The following TENT5C variants were observed in gnomAD, a reference collection of about 807,000 sequenced individuals.
TENT5C encodes the protein family with sequence similarity 46 member C.
TENT5C carries 5 observed loss-of-function variants against 22.2 expected under a neutral mutation model. The observed-to-expected ratio is 0.22, with a 90% CI of 0.12 to 0.47. The LOEUF (loss-of-function observed/expected upper bound fraction) is 0.47. Among genes scored for constraint, TENT5C ranks in the 20% least tolerant of loss-of-function variants. TENT5C has a pLI of 0.99. For synonymous variants in TENT5C, 199 were observed against 195.4 expected, an observed-to-expected ratio of 1.02 and a Z score of -0.15; for missense variants, 364 against 500.9, an observed-to-expected ratio of 0.73 and a Z score of 2.61.
chr1:117,618,048 C>G (rs1172457218), intron 1 of TENT5C, among the ~76,000 whole-genome samples: 1 of 152,170 alleles, frequency 6.6e-6, no homozygotes, highest in Admixed American at 6.5e-5. Flanking sequence ...CTATGTAAAT[C>G]ATGGTAAATT....
Position 117,626,552 on chromosome 1 carries a change from A to G in TENT5C, c.*2508A>G, listed in dbSNP as rs575946835. The stretch of plus-strand genomic sequence containing the variant: ...GGCTAGTGATGTCTCTACTTGCTCT[A>G]TGAGCCTTTTGCCAGCCTCAGAATA... On this transcript the variant is annotated 3_prime_UTR_variant, in exon 2 of 2. Coordinates refer to ENST00000369448, the MANE Select transcript of TENT5C (RefSeq NM_017709.4). 5 of 248,108 alleles carry G rather than the reference A, an allele frequency of 2.0e-5. No individual in the cohort carries two copies. Among genetic ancestry groups the G allele is most frequent in the African/African-American group, 8.8e-5 (4 of 45,472 alleles). The allele number at this position is 248,108 out of a possible 1,614,324, so 15.4% of individuals were successfully genotyped here.
chr1:117,617,939 C>G (rs1653820552), intron 1 of TENT5C, among the ~76,000 whole-genome samples: 2 of 152,232 alleles, frequency 1.3e-5, no homozygotes, highest in African/African-American at 4.8e-5. Context: ...GAATCCCTTT[C>G]TAATAGGCAC....
In TENT5C at chr1:117,623,429, C is replaced by T. The variant is rs374657299; in HGVS notation, c.561C>T (p.Ile187=). ...TCAGTGTGGACTCTTTCCAAATCAT[C>T]CTGGATTCTTTGCTTTTCTTCTATG... The part of the protein sequence containing the change: ...FEFSVDSFQI[I]LDSLLFFYDC... The change falls in exon 2 of 2, where the codon ATC becomes ATT. Residue 187 remains isoleucine, a synonymous_variant. Transcript: ENST00000369448. 5.6e-6 allele frequency: 9 copies of T among 1,614,016 alleles called. No individual in the cohort carries two copies. In the African/African-American group the frequency reaches 9.3e-5, roughly 17 times the overall value.
At chr1:117,620,825 A>G (rs918624123) in intron 1 of TENT5C, among the ~76,000 whole-genome samples, 1 of 152,180 alleles carries the variant, frequency 6.6e-6, no homozygotes, top group African/African-American at 2.4e-5. Flanking sequence ...GAACAGGTTC[A>G]TGCTGCAACT....
At chr1:117,610,981 C>T (rs1274141065) in intron 1 of TENT5C, among the ~76,000 whole-genome samples, 3 of 152,200 alleles carry the variant, frequency 2.0e-5, no homozygotes, top group Admixed American at 1.3e-4. Flanking sequence ...CAACTGCCCA[C>T]ACCCTCTTCC....
Position 117,624,853 on chromosome 1 carries a change from A to AT in TENT5C, c.*816dup, listed in dbSNP as rs1222689993. 1 of 247,578 alleles carries AT rather than the reference A, an allele frequency of 4.0e-6. No homozygotes were observed. The highest frequency in any genetic ancestry group is 2.2e-5 in the African/African-American group (1 of 45,320). The allele number at this position is 247,578 out of a possible 1,614,324, so 15.3% of individuals were successfully genotyped here. A position where few individuals can be genotyped will look rare whatever the true frequency, so the allele number is the denominator to read the frequency against. On this transcript the variant is annotated 3_prime_UTR_variant, in exon 2 of 2. Coordinates refer to ENST00000369448, the MANE Select transcript of TENT5C (RefSeq NM_017709.4). ...TTGTAAATAGGAAACATGAATGTTC[A>AT]TTTTTTTCTTTAAAGAATTCTTATT...
intron 1 of TENT5C, among the ~76,000 whole-genome samples, chr1:117,619,377 T>A (rs1653849446): frequency 6.6e-6 from 1 of 152,176 alleles, no homozygotes; most frequent in Non-Finnish European, 1.5e-5. Flanking sequence ...GTAATAGGTG[T>A]TTGAGATGTA....
chr1:117,607,915 A>C (rs1653576853), intron 1 of TENT5C, among the ~76,000 whole-genome samples: 1 of 152,138 alleles, frequency 6.6e-6, no homozygotes, highest in African/African-American at 2.4e-5. Context: ...TGATCTCTGG[A>C]GTCAAGCTTA....
chr1:117,627,842 GAC>G lies in TENT5C; in HGVS notation c.*3799_*3800del, dbSNP rs1182910319. 4.2e-6 allele frequency: 1 copy of G among 236,684 alleles called. No individual in the cohort carries two copies. Among genetic ancestry groups the G allele is most frequent in the Non-Finnish European group, 8.9e-6 (1 of 112,846 alleles). 14.7% of individuals were successfully genotyped at this position (236,684 alleles called of 1,614,324 possible). A position where few individuals can be genotyped will look rare whatever the true frequency, so the allele number is the denominator to read the frequency against. On this transcript the variant is annotated 3_prime_UTR_variant, in exon 2 of 2. Coordinates refer to ENST00000369448, the MANE Select transcript of TENT5C (RefSeq NM_017709.4). ...CTAAGGTTAAGATCAGGAAATAAAA[GAC>G]TGTGTGTGTGTGTGTGTGTGCGTGT...
At chr1:117,615,588 T>A (rs1301406644) in intron 1 of TENT5C, among the ~76,000 whole-genome samples, 1 of 152,236 alleles carries the variant, frequency 6.6e-6, no homozygotes, top group Admixed American at 6.5e-5. Flanking sequence ...CCCCTGGCCA[T>A]GGCTGTGGCT....
rs765921039 is a variant in TENT5C, at chr1:117,623,131, G to T, written c.263G>T (p.Cys88Phe). ...TTGGTCAAAGACAATGGCTTGGGCT[G>T]CAAAGACCTGGACCTAATCTTCCAT... ...HVLVKDNGLG[C>F]KDLDLIFHVA... The change falls in exon 2 of 2, where the codon TGC (cysteine) becomes TTC (phenylalanine). Residue 88 changes from cysteine to phenylalanine, a missense_variant. Physicochemically the swap from Cys to Phe is radical, Grantham distance 205. Coordinates refer to ENST00000369448, the MANE Select transcript of TENT5C (RefSeq NM_017709.4). 10 of 1,614,220 alleles carry T rather than the reference G, an allele frequency of 6.2e-6. No individual in the cohort carries two copies. The highest frequency in any genetic ancestry group is 8.5e-6 in the Non-Finnish European group (10 of 1,180,038).
At chr1:117,606,212 C>G (rs1653523942) in intron 1 of TENT5C, 59 bp downstream of exon 1, 1 of 152,108 alleles carries the variant, frequency 6.6e-6, no homozygotes, top group African/African-American at 2.4e-5. Flanking sequence ...CCCCAGGGAG[C>G]CGCGAGCTCA....
At chr1:117,607,629 A>G (rs1354607346) in intron 1 of TENT5C, among the ~76,000 whole-genome samples, 1 of 152,116 alleles carries the variant, frequency 6.6e-6, no homozygotes. Context: ...GGCGACAGCA[A>G]CCTTTCAACG....
chr1:117,616,280 A>G (rs1231750690), intron 1 of TENT5C, among the ~76,000 whole-genome samples: 1 of 152,240 alleles, frequency 6.6e-6, no homozygotes, highest in Non-Finnish European at 1.5e-5. Flanking sequence ...TTGCTTTGAC[A>G]CACACCTCTA....
intron 1 of TENT5C, among the ~76,000 whole-genome samples, chr1:117,618,502 GTAGAGATCAGCATT>G: frequency 6.6e-6 from 1 of 151,794 alleles, no homozygotes; most frequent in Non-Finnish European, 1.5e-5. Context: ...CCCCTTATCT[GTAGAGATCAGCATT>G]TACATCTTGG....
intron 1 of TENT5C, among the ~76,000 whole-genome samples, chr1:117,619,280 T>G (rs909712406): frequency 6.6e-6 from 1 of 152,122 alleles, no homozygotes; most frequent in African/African-American, 2.4e-5. Context: ...TTCCCACATA[T>G]CAGACTTAGT....
intron 1 of TENT5C, among the ~76,000 whole-genome samples, chr1:117,612,132 G>A (rs1653681867): frequency 6.6e-6 from 1 of 152,216 alleles, no homozygotes; most frequent in Non-Finnish European, 1.5e-5. Flanking sequence ...AGAGTAGGAA[G>A]CAGGATATCA....
At position 117,625,033 on chromosome 1, in the gene TENT5C, T is replaced by G. The variant is rs953748578; in HGVS notation, c.*989T>G. On this transcript the variant is annotated 3_prime_UTR_variant, in exon 2 of 2. Transcript: ENST00000369448. ...CCCATGTTTTAACTGGAAACCCACT[T>G]TGGTCACATTCCAAGTATGACACAG... 3.2e-5 allele frequency: 8 copies of G among 248,046 alleles called. No homozygotes were observed. Among genetic ancestry groups the G allele is most frequent in the Non-Finnish European group, 5.9e-5 (7 of 118,134 alleles). The allele number at this position is 248,046 out of a possible 1,614,324, so 15.4% of individuals were successfully genotyped here.
rs563673641 is a variant in TENT5C at position 117,625,124 on chromosome 1, A to G, written c.*1080A>G. On this transcript the variant is annotated 3_prime_UTR_variant, in exon 2 of 2. Coordinates refer to ENST00000369448, the MANE Select transcript of TENT5C (RefSeq NM_017709.4). ...CTTTTCGTTTTTTTTTTTTCCAAAA[A>G]TAGTGACTTCCTTCTCCAGGTGTGT... 14 of 247,742 alleles carry G rather than the reference A, an allele frequency of 5.7e-5. No homozygotes were observed. Among genetic ancestry groups the G allele is most frequent in the African/African-American group, 2.6e-4 (12 of 45,356 alleles). 15.3% of individuals were successfully genotyped at this position (247,742 alleles called of 1,614,324 possible). A position where few individuals can be genotyped will look rare whatever the true frequency, so the allele number is the denominator to read the frequency against.
Sources: gnomAD v4.1 joint callset for allele counts (sites outside exome capture counted in the v4.1 genomes callset) on GRCh38, gnomAD v4.1.1 for gene constraint, MANE v1.5 for transcripts, NCBI Gene and HGNC (gene_info 2026-07-23, HGNC 2026-07-21) for gene names.